GLRX5: variants seen among roughly 807,000 people sequenced by gnomAD.
GLRX5 encodes glutaredoxin-related protein 5, mitochondrial.
In GLRX5, 10 loss-of-function variants were observed where a neutral mutation model predicts 13.8. That is an observed-to-expected ratio of 0.72 (90% CI 0.45 to 1.23). The LOEUF is 1.23. GLRX5 is among the 50% of genes most tolerant of loss of function. The pLI, the probability that GLRX5 is intolerant of heterozygous loss-of-function variation, is 0.00. For missense variants in GLRX5, 233 were observed against 215.2 expected (o/e 1.08, Z -0.52); for synonymous variants, 98 against 101.1 (o/e 0.97, Z 0.18).
chr14:95,544,005 T>G lies in GLRX5; in HGVS notation c.354T>G (p.Phe118Leu), dbSNP rs2139651976. The change falls in exon 2 of 2, where the codon TTT becomes TTG. Residue 118 changes from phenylalanine to leucine, a missense_variant. Coordinates refer to ENST00000331334, the MANE Select transcript of GLRX5 (RefSeq NM_016417.3). ...TIPQVYLNGE[F>L]VGGCDILLQM... is the part of the protein sequence containing the mutation. ...CGCAAGTGTACCTCAATGGCGAGTT[T>G]GTAGGGGGCTGTGACATTCTTCTGC... The G allele has an allele frequency of 6.2e-7, 1 of 1,614,094 alleles. No individual in the cohort carries two copies. Among genetic ancestry groups the G allele is most frequent in the East Asian group, 2.2e-5 (1 of 44,886 alleles).
chr14:95,539,137 A>G (rs1034874174), intron 1 of GLRX5, among the ~76,000 whole-genome samples: 1 of 152,368 alleles, frequency 6.6e-6, no homozygotes, highest in East Asian at 1.9e-4. Context: ...CCTTACGAGA[A>G]TGTAACTAAT....
At chr14:95,540,225 A>G (rs1330781343) in intron 1 of GLRX5, among the ~76,000 whole-genome samples, 1 of 152,142 alleles carries the variant, frequency 6.6e-6, no homozygotes, top group East Asian at 1.9e-4. Context: ...GGTATACTTA[A>G]TCACTTTTTC....
At chr14:95,538,757 T>A (rs565786789) in intron 1 of GLRX5, among the ~76,000 whole-genome samples, 1 of 152,238 alleles carries the variant, frequency 6.6e-6, no homozygotes, top group Non-Finnish European at 1.5e-5. Context: ...TTTTGTTGCA[T>A]CTATTCAACT....
intron 1 of GLRX5, among the ~76,000 whole-genome samples, chr14:95,539,427 A>G (rs1891435340): frequency 6.6e-6 from 1 of 152,252 alleles, no homozygotes; most frequent in Non-Finnish European, 1.5e-5. Context: ...ATCTAGATGT[A>G]TTTAACATGG....
chr14:95,540,349 A>C (rs1367734889), intron 1 of GLRX5, among the ~76,000 whole-genome samples: 1 of 152,218 alleles, frequency 6.6e-6, no homozygotes, highest in Admixed American at 6.5e-5. Context: ...ACCTGGTACT[A>C]TGCTGGGAGC....
intron 1 of GLRX5, among the ~76,000 whole-genome samples, chr14:95,541,990 G>T (rs1212063720): frequency 6.6e-6 from 1 of 152,100 alleles, no homozygotes; most frequent in Non-Finnish European, 1.5e-5. Context: ...TGTATAAAAG[G>T]TATTTAAGAA....
intron 1 of GLRX5, among the ~76,000 whole-genome samples, chr14:95,540,617 C>T (rs1595283255): frequency 6.6e-6 from 1 of 152,150 alleles, no homozygotes; most frequent in African/African-American, 2.4e-5. Context: ...CTCGACTTAA[C>T]GCCATTCTCT....
At chr14:95,539,170 C>T (rs960812037) in intron 1 of GLRX5, among the ~76,000 whole-genome samples, 2 of 152,190 alleles carry the variant, frequency 1.3e-5, no homozygotes, top group Non-Finnish European at 2.9e-5. Flanking sequence ...GAGGTGGAAC[C>T]GTTTCATCCC....
intron 1 of GLRX5, among the ~76,000 whole-genome samples, chr14:95,542,133 G>C (rs904972727): frequency 1.3e-5 from 2 of 152,178 alleles, no homozygotes; most frequent in African/African-American, 4.8e-5. Flanking sequence ...GATAGACTTT[G>C]TATTTGAGGA....
chr14:95,535,397 T>G lies in GLRX5; in HGVS notation c.295+13T>G, dbSNP rs750705842. The G allele has an allele frequency of 5.4e-5, 84 of 1,545,726 alleles. No individual in the cohort carries two copies. In the Middle Eastern group the frequency reaches 1.0e-3, roughly 19 times the overall value. On this transcript the variant is annotated intron_variant, in intron 1 of 1. Coordinates refer to ENST00000331334, the MANE Select transcript of GLRX5 (RefSeq NM_016417.3). ...GAGCTCCGACAAGGTCAGGCCAGTG[T>G]GCCGGGCAGGCGCCCTCCGCCCCGG...
At chr14:95,538,864 A>G (rs770933746) in intron 1 of GLRX5, among the ~76,000 whole-genome samples, 1 of 152,220 alleles carries the variant, frequency 6.6e-6, no homozygotes, top group Non-Finnish European at 1.5e-5. Context: ...TACAGCTTTA[A>G]TTACGAAGTA....
At chr14:95,537,546 A>T (rs1235954583) in intron 1 of GLRX5, among the ~76,000 whole-genome samples, 4 of 152,258 alleles carry the variant, frequency 2.6e-5, no homozygotes, top group African/African-American at 9.6e-5. Flanking sequence ...CAGCCAGGTT[A>T]TTAAGACTCT....
chr14:95,541,685 T>C (rs991282883), intron 1 of GLRX5, among the ~76,000 whole-genome samples: 5 of 152,218 alleles, frequency 3.3e-5, no homozygotes, highest in African/African-American at 1.2e-4. Context: ...TCAGGACATA[T>C]GATCAACAGC....
chr14:95,539,879 A>G (rs1361606305), intron 1 of GLRX5, among the ~76,000 whole-genome samples: 1 of 133,426 alleles, frequency 7.5e-6, no homozygotes, highest in Non-Finnish European at 1.6e-5. Flanking sequence ...TAACTCAATA[A>G]ATGGTATATA....
Position 95,543,784 on chromosome 14 carries a change from C to T in GLRX5, c.296-163C>T, listed in dbSNP as rs1462169511. The T allele has an allele frequency of 1.2e-4, 77 of 666,840 alleles. No homozygotes were observed. The East Asian group carries it at 2.0e-3, about 17-fold the overall frequency. The allele number at this position is 666,840 out of a possible 1,614,324, so 41.3% of individuals were successfully genotyped here. A position where few individuals can be genotyped will look rare whatever the true frequency, so the allele number is the denominator to read the frequency against. ...GGCCTAACCACTGGTCTCTTTGACA[C>T]AAAAACTCATGCTCTTAGTGGCAAG... On this transcript the variant is annotated intron_variant, in intron 1 of 1. Coordinates refer to ENST00000331334, the MANE Select transcript of GLRX5 (RefSeq NM_016417.3).
At chr14:95,539,898 T>TA (rs200946641) in intron 1 of GLRX5, among the ~76,000 whole-genome samples, 5,584 of 19,768 alleles carry the variant, frequency 0.28, 316 homozygotes, top group African/African-American at 0.43. Flanking sequence ...TATATATATA[T>TA]TTTTTTTTTT....
At chr14:95,543,340 T>TAAAA in intron 1 of GLRX5, 2 of 146,390 alleles carry the variant, frequency 1.4e-5, no homozygotes, top group Non-Finnish European at 2.6e-5. Flanking sequence ...TTGTTAAAAA[T>TAAAA]TAAAAAAAAA....
chr14:95,540,294 G>C (rs1202389440), intron 1 of GLRX5, among the ~76,000 whole-genome samples: 1 of 152,162 alleles, frequency 6.6e-6, no homozygotes, highest in Non-Finnish European at 1.5e-5. Flanking sequence ...TACTGTGAAG[G>C]GTGGGTGGTG....
chr14:95,544,506 T>G lies in GLRX5; in HGVS notation c.*381T>G. ...TATCTCCCCCCAAATTTTGTGTAGC[T>G]TCTTTTGTTATGGAAAATGGTGAAC... On this transcript the variant is annotated 3_prime_UTR_variant, in exon 2 of 2. Coordinates refer to ENST00000331334, the MANE Select transcript of GLRX5 (RefSeq NM_016417.3). 1 of 215,670 alleles carries G rather than the reference T, an allele frequency of 4.6e-6. No individual in the cohort carries two copies. Among genetic ancestry groups the G allele is most frequent in the Non-Finnish European group, 9.5e-6 (1 of 105,792 alleles). 13.4% of individuals were successfully genotyped at this position (215,670 alleles called of 1,614,324 possible). A position where few individuals can be genotyped will look rare whatever the true frequency, so the allele number is the denominator to read the frequency against.
Sources: gnomAD v4.1 joint callset for allele counts (sites outside exome capture counted in the v4.1 genomes callset) on GRCh38, gnomAD v4.1.1 for gene constraint, MANE v1.5 for transcripts, NCBI Gene and HGNC (gene_info 2026-07-23, HGNC 2026-07-21) for gene names.